The following FASTK variants were observed in gnomAD, a reference collection of about 807,000 sequenced individuals.
FASTK encodes Fas activated serine/threonine kinase, also known as fas-activated serine/threonine kinase.
FASTK carries 28 observed loss-of-function variants against 60.0 expected under a neutral mutation model. The observed-to-expected ratio is 0.47, with a 90% confidence interval of 0.35 to 0.64. The LOEUF is 0.64. Among genes scored for constraint, FASTK ranks in the 30% least tolerant of loss-of-function variants. The pLI is 0.01. For missense variants in FASTK, 595 were observed against 713.8 expected, an observed-to-expected ratio of 0.83 and a Z score of 1.90; for synonymous variants, 325 against 307.9, an observed-to-expected ratio of 1.06 and a Z score of -0.58.
intron 3 of FASTK, 43 bp from the exon 4 acceptor site, chr7:151,078,744 C>T (rs369026895): frequency 3.6e-5 from 58 of 1,610,988 alleles, no homozygotes; most frequent in Non-Finnish European, 4.7e-5. Context: ...GCCGGACCTC[C>T]GGCTGGCTCA....
At chr7:151,078,158 G>T in intron 4 of FASTK, 66 bp from the exon 5 acceptor site, 1 of 1,259,422 alleles carries the variant, frequency 7.9e-7, no homozygotes, top group Non-Finnish European at 1.1e-6. Flanking sequence ...TACAAGCTAA[G>T]CCTTAGAGAG....
At position 151,077,195 on chromosome 7, in the gene FASTK, C is replaced by G; in HGVS notation, c.1333G>C (p.Val445Leu). The G allele has an allele frequency of 1.2e-6, 2 of 1,612,946 alleles. No individual in the cohort carries two copies. Among genetic ancestry groups the G allele is most frequent in the Admixed American group, 1.7e-5 (1 of 59,986 alleles). The change falls in exon 8 of 10, where the codon GTG becomes CTG. Residue 445 changes from valine to leucine, a missense_variant. Val to Leu is a conservative substitution (Grantham distance 32, BLOSUM62 1). Transcript: ENST00000297532. ...CASSSGAVLP[V>L]RTQDPFLPYP... Reference sequence around the variant, plus strand: ...GGCAGGAAGGGGTCCTGGGTCCTCACGGGAAGCACAGCACCAGAGCTGCTG... The same window carrying G: ...GGCAGGAAGGGGTCCTGGGTCCTCAGGGGAAGCACAGCACCAGAGCTGCTG...
In FASTK at chr7:151,079,722, G is replaced by T. The variant is rs777421228; in HGVS notation, c.283C>A (p.Pro95Thr). The T allele has an allele frequency of 6.2e-7, 1 of 1,601,310 alleles. No individual in the cohort carries two copies. Among genetic ancestry groups the T allele is most frequent in the South Asian group, 1.1e-5 (1 of 89,300 alleles). ...CCCAGCCAGCGCAGCAGCTCCCCAG[G>T]GCTCTTCGCCTGTTCCAGAAGCCGC... ...LQRLLEQAKSPGELLRWLGQN... is the reference protein window; with the variant it reads ...LQRLLEQAKSTGELLRWLGQN... Residue 95 changes from proline (P) to threonine (T), a missense_variant, in exon 2 of 10, where the codon CCT becomes ACT. Physicochemically the swap from Pro to Thr is conservative, Grantham distance 38 (BLOSUM62 -1). This residue lies in a region of FASTK where 471 missense variants were observed against 605.9 expected (regional missense o/e 0.78). Transcript: ENST00000297532.
chr7:151,080,133 C>T (rs1797908022), intron 1 of FASTK: 12 of 563,288 alleles, frequency 2.1e-5, no homozygotes, highest in Middle Eastern at 9.3e-4. Flanking sequence ...CGCAGCACTA[C>T]TTGCAAAGCA....
Position 151,080,694 on chromosome 7 carries a change from CG to C in FASTK, c.72del (p.Glu26SerfsTer29). On this transcript the variant is annotated frameshift_variant, in exon 1 of 10. Transcript: ENST00000297532. LOFTEE classifies it high-confidence loss of function. Reference protein sequence around the residue: ...RPTEGATCAGPGESWSPSPNS... With the variant: ...RPTEGATCAGXGESWSPSPNS... ...CAGGCGCCACCCCTACATGACTCCC[CG>C]GGCCCTGCGCAGGTCGCTCCCTCAG... 3 of 1,422,228 alleles carry C rather than the reference CG, an allele frequency of 2.1e-6. No individual in the cohort carries two copies. Among genetic ancestry groups the C allele is most frequent in the Non-Finnish European group, 9.2e-7 (1 of 1,092,662 alleles). The allele number at this position is 1,422,228 out of a possible 1,614,324, so 88.1% of individuals were successfully genotyped here. A position where few individuals can be genotyped will look rare whatever the true frequency, so the allele number is the denominator to read the frequency against.
intron 1 of FASTK, 23 bp from the exon 2 acceptor site, chr7:151,079,945 G>A (rs1450291201): frequency 6.5e-7 from 1 of 1,547,466 alleles, no homozygotes; most frequent in East Asian, 2.3e-5. Context: ...CCAAAAAAGG[G>A]GGTGAGGTTT....
chr7:151,079,967 G>T (rs1481080840), intron 1 of FASTK, 45 bp from the exon 2 acceptor site: 1 of 1,479,720 alleles, frequency 6.8e-7, no homozygotes, highest in South Asian at 1.3e-5. Flanking sequence ...CTCCAAAGGG[G>T]AGAAAGACCT....
rs371420188 is a variant in FASTK at position 151,078,021 on chromosome 7, G to A, written c.897C>T (p.Cys299=). The change falls in exon 5 of 10, where the codon TGC becomes TGT. Residue 299 remains cysteine (C), a synonymous_variant. Transcript: ENST00000297532. ...CTTCCCGAGCCAGGATCCTCTCAAG[G>A]CAGGGCATAAACTGCTGTTCCAGGG... The part of the protein sequence containing the change: ...YLPLEQQFMP[C]LERILAREAG... 8 of 1,610,558 alleles carry A rather than the reference G, an allele frequency of 5.0e-6. No homozygotes were observed. Among genetic ancestry groups the A allele is most frequent in the Non-Finnish European group, 5.9e-6 (7 of 1,177,342 alleles).
At position 151,078,075 on chromosome 7, in the gene FASTK, G is replaced by A. The variant is rs778855850; in HGVS notation, c.843C>T (p.Val281=). 7 of 1,594,492 alleles carry A rather than the reference G, an allele frequency of 4.4e-6. No individual in the cohort carries two copies. The highest frequency in any genetic ancestry group is 5.2e-6 in the Non-Finnish European group (6 of 1,164,668). The stretch of plus-strand genomic sequence containing the variant: ...GGTAGTTCAGTCGCCCAAAGGGCAG[G>A]ACCAACTTCTGTACCACCTGTGGAG... ...QLSSKVVQKL[V]LPFGRLNYLP... The change falls in exon 5 of 10, where the codon GTC becomes GTT. Residue 281 remains valine (V), a synonymous_variant. Transcript: ENST00000297532.
At chr7:151,080,588 C>A (rs1585015602) in intron 1 of FASTK, 97 bp downstream of exon 1, 1 of 1,335,882 alleles carries the variant, frequency 7.5e-7, no homozygotes, top group Non-Finnish European at 9.5e-7. Context: ...GCCCCAACAC[C>A]CACCCCGGCC....
At position 151,080,745 on chromosome 7, in the gene FASTK, G is replaced by C; in HGVS notation, c.22C>G (p.Pro8Ala). The change falls in exon 1 of 10, where the codon CCC (proline) becomes GCC (alanine). Residue 8 changes from proline to alanine, a missense_variant. This residue lies in a region of FASTK where 124 missense variants were observed against 107.9 expected (regional missense o/e 1.15). Transcript: ENST00000297532. The part of the protein sequence containing the change: MRRPRGE[P>A]GPRAPRPTEG... The stretch of plus-strand genomic sequence containing the variant: ...GTCGGTCTCGGGGCCCGGGGGCCGG[G>C]TTCCCCCCGCGGCCTCCTCATCGGC... 2 of 1,310,750 alleles carry C rather than the reference G, an allele frequency of 1.5e-6. No homozygotes were observed. The highest frequency in any genetic ancestry group is 1.9e-6 in the Non-Finnish European group (2 of 1,030,196). 81.2% of individuals were successfully genotyped at this position (1,310,750 alleles called of 1,614,324 possible).
intron 6 of FASTK, 104 bp from the exon 7 acceptor site, chr7:151,077,505 C>A: frequency 1.3e-6 from 2 of 1,512,986 alleles, no homozygotes; most frequent in Non-Finnish European, 9.0e-7. Context: ...TGCTTCAGGG[C>A]CCAGTTTTAT....
intron 1 of FASTK, 98 bp downstream of exon 1, chr7:151,080,587 C>T: frequency 7.5e-7 from 1 of 1,335,588 alleles, no homozygotes; most frequent in Admixed American, 4.1e-5. Flanking sequence ...GGCCCCAACA[C>T]CCACCCCGGC....
In FASTK at chr7:151,079,647, G is replaced by C. The variant is rs1797871624; in HGVS notation, c.358C>G (p.Arg120Gly). The change falls in exon 2 of 10, where the codon CGT becomes GGT. Residue 120 changes from arginine to glycine, a missense_variant. Transcript: ENST00000297532. ...CGAGACCCCAAGAGCTGGCCCAGAC[G>C]ACGAAGCGCCACCGAGTAGTGGTGG... is the stretch of plus-strand genomic sequence containing the variant. ...RAHHYSVALR[R>G]LGQLLGSRPR... The C allele has an allele frequency of 6.2e-7, 1 of 1,613,172 alleles. No homozygotes were observed. The highest frequency in any genetic ancestry group is 8.5e-7 in the Non-Finnish European group (1 of 1,179,892).
rs758691941 is a variant in FASTK, at chr7:151,077,331, C to A, written c.1270G>T (p.Val424Leu). 3 of 1,613,114 alleles carry A rather than the reference C, an allele frequency of 1.9e-6. No individual in the cohort carries two copies. Among genetic ancestry groups the A allele is most frequent in the Non-Finnish European group, 2.5e-6 (3 of 1,179,996 alleles). Residue 424 changes from valine to leucine, a missense_variant, in exon 7 of 10, where the codon GTG becomes TTG. Val to Leu is a conservative substitution (Grantham distance 32). Coordinates refer to ENST00000297532, the MANE Select transcript of FASTK (RefSeq NM_006712.5). Reference sequence around the variant, plus strand: ...TCACCTGTGCAGTAGCCTGGAGGCACAGTCAGGTCCTGGCGGTATTTCTCC... The same window carrying A: ...TCACCTGTGCAGTAGCCTGGAGGCAAAGTCAGGTCCTGGCGGTATTTCTCC... The part of the protein sequence containing the change: ...GEEKYRQDLT[V>L]PPGYCTDFLL...
rs1409072677 is a variant in FASTK, at chr7:151,079,939, A to T, written c.83-17T>A. The T allele has an allele frequency of 3.9e-6, 6 of 1,557,258 alleles. No individual in the cohort carries two copies. The highest frequency in any genetic ancestry group is 5.2e-6 in the Non-Finnish European group (6 of 1,145,190). On this transcript the variant is annotated splice_polypyrimidine_tract_variant and intron_variant, in intron 1 of 9. Transcript: ENST00000297532. ...ATGGAGACCCTGAGGGGCAGCCCAA[A>T]AAAGGGGGTGAGGTTTTCTCCAAAG...
At chr7:151,080,355 G>A (rs1797920923) in intron 1 of FASTK, 14 of 721,212 alleles carry the variant, frequency 1.9e-5, no homozygotes, top group Non-Finnish European at 2.6e-5. Flanking sequence ...CTCTCCCACA[G>A]GAGGCGGCGG....
Position 151,077,939 on chromosome 7 carries a change from ACCGCAGTTGG to A in FASTK, c.969_978del (p.Gln324AlafsTer26). 1 of 1,613,890 alleles carries A rather than the reference ACCGCAGTTGG, an allele frequency of 6.2e-7. No homozygotes were observed. The highest frequency in any genetic ancestry group is 8.5e-7 in the Non-Finnish European group (1 of 1,179,956). ...AAGTGCAGGGCTCTGAAGGGCAGGC[ACCGCAGTTGG>A]CACAGTGACATCAAGATGTTGACTG... On this transcript the variant is annotated frameshift_variant, in exon 5 of 10. Coordinates refer to ENST00000297532, the MANE Select transcript of FASTK (RefSeq NM_006712.5). LOFTEE classifies it high-confidence loss of function.
intron 4 of FASTK, 30 bp from the exon 5 acceptor site, chr7:151,078,122 T>C (rs1797771048): frequency 6.7e-7 from 1 of 1,496,664 alleles, no homozygotes; most frequent in African/African-American, 1.4e-5. Flanking sequence ...CATTACCCAG[T>C]GTCAAGTATT....
Sources: gnomAD v4.1 joint callset for allele counts on GRCh38, gnomAD v4.1.1 for gene constraint, gnomAD v4.1.1 regional missense constraint, MANE v1.5 for transcripts, NCBI Gene and HGNC (gene_info 2026-07-23, HGNC 2026-07-21) for gene names.